The following MAGI1 variants were observed in gnomAD, a reference collection of about 807,000 sequenced individuals.
MAGI1 encodes the protein membrane-associated guanylate kinase, WW and PDZ domain-containing protein 1.
In MAGI1, 58 loss-of-function variants were observed where a neutral mutation model predicts 139.9. That is an observed-to-expected ratio of 0.41 (90% CI 0.34 to 0.52). The LOEUF is 0.52. Among genes scored for constraint, MAGI1 ranks in the 20% least tolerant of loss-of-function variants. The pLI is 0.12. For synonymous variants in MAGI1, 812 were observed against 737.9 expected, an observed-to-expected ratio of 1.10 and a Z score of -1.63; for missense variants, 1,874 against 1,901.6, an observed-to-expected ratio of 0.99 and a Z score of 0.27.
intron 1 of MAGI1, among the ~76,000 whole-genome samples, chr3:65,888,114 C>T (rs1331846362): frequency 6.6e-6 from 1 of 152,168 alleles, no homozygotes; most frequent in Non-Finnish European, 1.5e-5. Context: ...TACCTTCTCT[C>T]TACTGTGAAA....
chr3:65,442,166 G>C (rs1948387306), intron 8 of MAGI1, among the ~76,000 whole-genome samples: 1 of 151,510 alleles, frequency 6.6e-6, no homozygotes, highest in Non-Finnish European at 1.5e-5. Context: ...GGAAAAAGTG[G>C]GAGCCCAATG....
Position 65,364,870 on chromosome 3 carries a change from T to C in MAGI1, c.3273A>G (p.Gln1091=), listed in dbSNP as rs1941261327. 1.2e-6 allele frequency: 2 copies of C among 1,613,982 alleles called. No individual in the cohort carries two copies. Among genetic ancestry groups the C allele is most frequent in the Non-Finnish European group, 1.7e-6 (2 of 1,179,964 alleles). ...TGTCTGACCTTGTCTCCTGGGTCCC[T>C]TGCTGAGAAGGGGTGTGTGTGGTGG... ...TITTTHTPSQ[Q]GTQETRNTTK... is the part of the protein sequence containing the mutation. Residue 1091 remains glutamine (Q), a synonymous_variant, in exon 19 of 23, where the codon CAA becomes CAG. Coordinates refer to ENST00000402939, the MANE Select transcript of MAGI1 (RefSeq NM_001033057.2).
intron 1 of MAGI1, among the ~76,000 whole-genome samples, chr3:65,855,278 C>G (rs536248594): frequency 6.6e-6 from 1 of 151,746 alleles, no homozygotes; most frequent in East Asian, 2.0e-4. Flanking sequence ...ATAAACAGTA[C>G]CAAAGAAATG....
chr3:65,424,339 T>C (rs1343941311), intron 12 of MAGI1, among the ~76,000 whole-genome samples: 1 of 152,212 alleles, frequency 6.6e-6, no homozygotes, highest in South Asian at 2.1e-4. Flanking sequence ...TCAAGTTTAA[T>C]TTATTCAGCT....
chr3:65,557,235 T>C (rs1289580241), intron 2 of MAGI1, among the ~76,000 whole-genome samples: 1 of 152,230 alleles, frequency 6.6e-6, no homozygotes, highest in Non-Finnish European at 1.5e-5. Context: ...TATAAGACAC[T>C]GTCCCTTCCA....
chr3:65,658,589 A>G (rs1443439107), intron 1 of MAGI1, among the ~76,000 whole-genome samples: 1 of 152,212 alleles, frequency 6.6e-6, no homozygotes, highest in African/African-American at 2.4e-5. Flanking sequence ...CTGATTCAGT[A>G]GGACTGGGAT....
intron 1 of MAGI1, among the ~76,000 whole-genome samples, chr3:65,991,307 T>TAAA (rs397950872): frequency 5.7e-4 from 62 of 109,318 alleles, no homozygotes; most frequent in African/African-American, 1.9e-3. Context: ...AAAAAAAAGG[T>TAAA]AAAAAAAAAA....
chr3:65,933,230 T>C (rs2062884807), intron 1 of MAGI1, among the ~76,000 whole-genome samples: 2 of 152,214 alleles, frequency 1.3e-5, no homozygotes, highest in Admixed American at 1.3e-4. Context: ...TAAGCATTTA[T>C]TATCTCACAG....
rs1170215972 is a variant in MAGI1 at position 65,548,511 on chromosome 3, C to CTTTTTTTT, written c.431-54888_431-54881dup. Among the ~76,000 whole-genome samples the CTTTTTTTT allele has an allele frequency of 3.5e-3, 308 of 87,366 alleles. 29 individuals carry two copies. Among genetic ancestry groups the CTTTTTTTT allele is most frequent in the African/African-American group, 0.013 (267 of 21,286 alleles). The allele number at this position is 87,366 out of a possible 152,430, so 57.3% of individuals were successfully genotyped here. ...AGCCCAGCTTTATGCAAACAACACT[C>CTTTTTTTT]TTTTTTTTTTTTTTTTTTTTTTTTT... On this transcript the variant is annotated intron_variant, in intron 2 of 22. Transcript: ENST00000402939.
At chr3:65,826,728 T>A (rs17372566) in intron 1 of MAGI1, among the ~76,000 whole-genome samples, 72,799 of 152,014 alleles carry the variant, frequency 0.48, 18,966 homozygotes, top group East Asian at 0.77. Flanking sequence ...CTTTTGCAAT[T>A]AGGATATGCT....
At chr3:65,652,905 C>T (rs1499496) in intron 1 of MAGI1, among the ~76,000 whole-genome samples, 134,168 of 152,096 alleles carry the variant, frequency 0.88, 59,506 homozygotes, top group East Asian at 0.97. Flanking sequence ...CCCAAAACTT[C>T]GGACAAGAAA....
intron 1 of MAGI1, among the ~76,000 whole-genome samples, chr3:65,847,937 G>C (rs1279811427): frequency 6.6e-6 from 1 of 152,116 alleles, no homozygotes; most frequent in Non-Finnish European, 1.5e-5. Flanking sequence ...TGAGAGACTG[G>C]GGTTGGGGTA....
chr3:65,938,260 A>G (rs1030391978), intron 1 of MAGI1, among the ~76,000 whole-genome samples: 1 of 149,794 alleles, frequency 6.7e-6, no homozygotes, highest in Admixed American at 6.7e-5. Context: ...AATGTGCTTT[A>G]ATGTAAATGT....
At chr3:65,365,417 G>A (rs1941319675) in intron 18 of MAGI1, among the ~76,000 whole-genome samples, 1 of 152,166 alleles carries the variant, frequency 6.6e-6, no homozygotes, top group South Asian at 2.1e-4. Context: ...AATATCAGAA[G>A]TGTACTAACA....
chr3:65,450,526 G>C (rs555062159), intron 6 of MAGI1, among the ~76,000 whole-genome samples: 2 of 152,294 alleles, frequency 1.3e-5, no homozygotes, highest in South Asian at 4.1e-4. Flanking sequence ...GAAACACTTT[G>C]TATATTACGT....
At chr3:65,411,566 T>C (rs1309435118) in intron 12 of MAGI1, among the ~76,000 whole-genome samples, 1 of 152,158 alleles carries the variant, frequency 6.6e-6, no homozygotes, top group African/African-American at 2.4e-5. Context: ...CTTTTCTGGG[T>C]TGGAAAAACA....
intron 2 of MAGI1, among the ~76,000 whole-genome samples, chr3:65,589,023 C>A (rs1244734660): frequency 2.0e-5 from 3 of 152,012 alleles, no homozygotes; most frequent in East Asian, 1.9e-4. Context: ...AGAAGAGAAC[C>A]ATCTAGGAAG....
At chr3:65,545,974 T>TCACACACACA (rs926687949) in intron 2 of MAGI1, among the ~76,000 whole-genome samples, 1 of 145,936 alleles carries the variant, frequency 6.9e-6, no homozygotes, top group African/African-American at 2.6e-5. Context: ...GGGTATGATC[T>TCACACACACA]CACACACACA....
intron 1 of MAGI1, among the ~76,000 whole-genome samples, chr3:65,630,929 T>C (rs1294915467): frequency 1.3e-5 from 2 of 152,366 alleles, no homozygotes; most frequent in African/African-American, 2.4e-5. Flanking sequence ...GATAAAGAGC[T>C]TGCATTTTAT....
Sources: gnomAD v4.1 joint callset for allele counts (sites outside exome capture counted in the v4.1 genomes callset) on GRCh38, gnomAD v4.1.1 for gene constraint, MANE v1.5 for transcripts, NCBI Gene and HGNC (gene_info 2026-07-23, HGNC 2026-07-21) for gene names.